PPHLN1: variants seen among roughly 807,000 people sequenced by gnomAD.
The protein encoded by PPHLN1 is periphilin-1.
Under a neutral mutation model 51.3 loss-of-function variants are expected in PPHLN1, and 29 were observed. That is an observed-to-expected ratio of 0.57 (90% CI 0.42 to 0.77). The LOEUF (loss-of-function observed/expected upper bound fraction) is 0.77, where lower values mean the gene tolerates loss of function less well. Among genes scored for constraint, PPHLN1 ranks in the 30% least tolerant of loss-of-function variants. The pLI, the probability that PPHLN1 is intolerant of heterozygous loss-of-function variation, is 0.00. For synonymous variants in PPHLN1, 147 were observed against 147.8 expected (o/e 0.99, Z 0.04); for missense variants, 436 against 438.4 (o/e 0.99, Z 0.05).
At chr12:42,435,264 C>A (rs1241192544) in intron 9 of PPHLN1, among the ~76,000 whole-genome samples, 1 of 151,988 alleles carries the variant, frequency 6.6e-6, no homozygotes, top group Non-Finnish European at 1.5e-5. Context: ...TTTAGCATGT[C>A]CTTAATTTAT....
chr12:42,427,308 A>G (rs183716004), intron 9 of PPHLN1, among the ~76,000 whole-genome samples: 3 of 152,276 alleles, frequency 2.0e-5, no homozygotes, highest in South Asian at 4.1e-4. Context: ...TTACATAAGA[A>G]TTTTGCCTTT....
At chr12:42,370,133 T>G (rs903902548) in intron 4 of PPHLN1, among the ~76,000 whole-genome samples, 5 of 152,262 alleles carry the variant, frequency 3.3e-5, no homozygotes, top group African/African-American at 9.6e-5. Context: ...TGAGCTTCTT[T>G]AATTCAGTCC....
intron 9 of PPHLN1, among the ~76,000 whole-genome samples, chr12:42,410,700 A>G (rs1299234155): frequency 6.6e-6 from 1 of 152,244 alleles, no homozygotes; most frequent in Non-Finnish European, 1.5e-5. Context: ...AAAGTAAAAG[A>G]AGCAGCAAAA....
intron 1 of PPHLN1, chr12:42,332,583 G>T: frequency 1.0e-6 from 1 of 953,700 alleles, no homozygotes; most frequent in Non-Finnish European, 1.7e-6. Flanking sequence ...TACAATTAAT[G>T]AAGATTTAAT....
chr12:42,401,840 T>G (rs2078869554), intron 9 of PPHLN1, among the ~76,000 whole-genome samples: 1 of 151,872 alleles, frequency 6.6e-6, no homozygotes, highest in Non-Finnish European at 1.5e-5. Context: ...TTGAGGTGTT[T>G]TTTGTTGTTG....
chr12:42,354,785 T>C (rs916749776), intron 3 of PPHLN1, among the ~76,000 whole-genome samples: 3 of 152,176 alleles, frequency 2.0e-5, no homozygotes, highest in Non-Finnish European at 4.4e-5. Context: ...TCATTGGGCT[T>C]GAAACTGAAA....
intron 9 of PPHLN1, among the ~76,000 whole-genome samples, chr12:42,404,252 G>C (rs746920030): frequency 3.9e-5 from 6 of 152,096 alleles, no homozygotes; most frequent in Non-Finnish European, 8.8e-5. Context: ...TTTTAGGCTG[G>C]GCACAGTGGC....
At chr12:42,425,839 A>G (rs930695915) in intron 9 of PPHLN1, among the ~76,000 whole-genome samples, 1 of 152,226 alleles carries the variant, frequency 6.6e-6, no homozygotes, top group Non-Finnish European at 1.5e-5. Flanking sequence ...TGTATACACG[A>G]TACAGGATTT....
chr12:42,383,983 C>CAAAAAAAA (rs61016692), intron 5 of PPHLN1, among the ~76,000 whole-genome samples: 15 of 51,642 alleles, frequency 2.9e-4, no homozygotes, highest in East Asian at 5.7e-4. Flanking sequence ...GACTGTGTCT[C>CAAAAAAAA]AAAAAAAAAA....
chr12:42,373,321 A>G (rs1169368399), intron 4 of PPHLN1, among the ~76,000 whole-genome samples: 2 of 150,156 alleles, frequency 1.3e-5, no homozygotes, highest in East Asian at 3.9e-4. Flanking sequence ...TTAATGCTCT[A>G]TTTCATTATT....
At chr12:42,344,874 A>G (rs973042043) in intron 2 of PPHLN1, among the ~76,000 whole-genome samples, 5 of 151,910 alleles carry the variant, frequency 3.3e-5, no homozygotes, top group African/African-American at 1.2e-4. Context: ...AAACCTGGCT[A>G]ATTTTGTGTA....
chr12:42,412,634 A>C (rs1248832648), intron 9 of PPHLN1, among the ~76,000 whole-genome samples: 2 of 150,044 alleles, frequency 1.3e-5, no homozygotes, highest in African/African-American at 4.8e-5. Flanking sequence ...TTTCCTTTGG[A>C]TAGATATACA....
chr12:42,341,134 A>C (rs2071436637), intron 2 of PPHLN1, among the ~76,000 whole-genome samples: 1 of 151,846 alleles, frequency 6.6e-6, no homozygotes. Flanking sequence ...GGCGCCTACC[A>C]CCACGCTTGG....
At chr12:42,445,818 A>ATC, downstream of PPHLN1, 3 of 843,124 alleles carry the variant, frequency 3.6e-6, no homozygotes, top group Non-Finnish European at 5.3e-6. Flanking sequence ...AATTTAGATG[A>ATC]TAAATTTCAG....
At chr12:42,397,786 A>T (rs2078393739) in intron 8 of PPHLN1, among the ~76,000 whole-genome samples, 1 of 151,660 alleles carries the variant, frequency 6.6e-6, no homozygotes, top group Admixed American at 6.6e-5. Flanking sequence ...GCCAGGCTGG[A>T]GTGCAGTGGC....
At position 42,435,153 on chromosome 12, in the gene PPHLN1, A is replaced by G. The variant is rs77260069; in HGVS notation, c.910-6162A>G. Among the ~76,000 whole-genome samples the G allele has an allele frequency of 5.7e-3, 868 of 152,320 alleles. 2 individuals are homozygous for G. Among genetic ancestry groups the G allele is most frequent in the African/African-American group, 0.02 (841 of 41,552 alleles). On this transcript the variant is annotated intron_variant, in intron 9 of 9. Transcript: ENST00000358314. ...AAACTAATAAGCTGAAAGGGATAAA[A>G]AAGTCATAATTAAGGATTAATCTTT...
At position 42,441,880 on chromosome 12, in the gene PPHLN1, T is replaced by TAA; in HGVS notation, c.*371_*372insAA. The TAA allele has an allele frequency of 1.0e-6, 1 of 999,928 alleles. No homozygotes were observed. The highest frequency in any genetic ancestry group is 1.2e-6 in the Non-Finnish European group (1 of 839,526). The allele number at this position is 999,928 out of a possible 1,614,324, so 61.9% of individuals were successfully genotyped here. On this transcript the variant is annotated 3_prime_UTR_variant, in exon 10 of 10. Coordinates refer to ENST00000358314, the MANE Select transcript of PPHLN1 (RefSeq NM_201439.2). ...AGTTGTGATTTTATTGACTTGTTGC[T>TAA]TGCTTTTTCTTAGGCTTTGTAACTT...
intron 5 of PPHLN1, among the ~76,000 whole-genome samples, chr12:42,381,460 G>A (rs1324421029): frequency 6.6e-6 from 1 of 152,144 alleles, no homozygotes; most frequent in Admixed American, 6.6e-5. Flanking sequence ...TGTGTTAAAG[G>A]AGAACTCTAC....
intron 4 of PPHLN1, among the ~76,000 whole-genome samples, chr12:42,372,014 C>T (rs2075846845): frequency 1.3e-5 from 2 of 152,078 alleles, no homozygotes; most frequent in Non-Finnish European, 2.9e-5. Flanking sequence ...CCTTCTTAAA[C>T]ATTTGGTCCT....
Sources: gnomAD v4.1 joint callset for allele counts (sites outside exome capture counted in the v4.1 genomes callset) on GRCh38, gnomAD v4.1.1 for gene constraint, MANE v1.5 for transcripts, NCBI Gene and HGNC (gene_info 2026-07-23, HGNC 2026-07-21) for gene names.